DACH1: variants seen among roughly 807,000 people sequenced by gnomAD.
DACH1 encodes the protein dachshund family transcription factor 1.
DACH1 carries 12 observed loss-of-function variants against 54.2 expected under a neutral mutation model. The observed-to-expected ratio is 0.22, with a 90% CI of 0.14 to 0.36. The LOEUF is 0.36. DACH1 is among the 10% of genes least tolerant of loss of function. The pLI, the probability that DACH1 is intolerant of heterozygous loss-of-function variation, is 1.00. For missense variants in DACH1, 805 were observed against 929.8 expected, an observed-to-expected ratio of 0.87 and a Z score of 1.75; for synonymous variants, 386 against 366.2, an observed-to-expected ratio of 1.05 and a Z score of -0.62.
intron 3 of DACH1, among the ~76,000 whole-genome samples, chr13:71,594,288 T>C (rs1290578327): frequency 6.6e-6 from 1 of 152,030 alleles, no homozygotes; most frequent in Non-Finnish European, 1.5e-5. Context: ...ATATCATTAA[T>C]TCTTAATGTT....
rs568834889 is a variant in DACH1, at chr13:71,801,308, C to T, written c.848+64614G>A. 4.6e-5 allele frequency among the ~76,000 whole-genome samples: 7 copies of T among 152,152 alleles called. No individual in the cohort carries two copies. In the East Asian group the frequency reaches 1.4e-3, roughly 29 times the overall value. ...CCACCAGAAATGTCAGAGTTTAGTA[C>T]CTACTAAGCCATAGATTTATGAGGA... On this transcript the variant is annotated intron_variant, in intron 1 of 10. Transcript: ENST00000613252.
intron 2 of DACH1, among the ~76,000 whole-genome samples, chr13:71,654,615 T>C (rs1878962641): frequency 6.6e-6 from 1 of 152,016 alleles, no homozygotes; most frequent in Non-Finnish European, 1.5e-5. Flanking sequence ...CTCAATAAAC[T>C]GAAAAACTGA....
chr13:71,646,769 T>C (rs1229159628), intron 2 of DACH1, among the ~76,000 whole-genome samples: 2 of 152,238 alleles, frequency 1.3e-5, no homozygotes, highest in South Asian at 2.1e-4. Context: ...AAGAATGCCA[T>C]ATTTGAGCAT....
rs147208479 is a variant in DACH1, at chr13:71,497,715, A to G, written c.1571-8567T>C. On this transcript the variant is annotated intron_variant, in intron 6 of 10. Coordinates refer to ENST00000613252, the MANE Select transcript of DACH1 (RefSeq NM_080759.6). ...ATGTTGATGAAAGAATTATTACTGT[A>G]TACATCAGTTTCCTTATATGGACTA... Among the ~76,000 whole-genome samples, 696 of 151,426 alleles carry G rather than the reference A, an allele frequency of 4.6e-3. 7 individuals are homozygous for G. Among genetic ancestry groups the G allele is most frequent in the African/African-American group, 0.015 (638 of 41,294 alleles).
intron 1 of DACH1, among the ~76,000 whole-genome samples, chr13:71,713,523 A>G (rs145372204): frequency 1.3e-5 from 2 of 152,312 alleles, no homozygotes; most frequent in African/African-American, 4.8e-5. Flanking sequence ...TTAAATCATT[A>G]TAGATTTAGA....
At chr13:71,650,042 C>T (rs1178439108) in intron 2 of DACH1, among the ~76,000 whole-genome samples, 1 of 152,164 alleles carries the variant, frequency 6.6e-6, no homozygotes, top group Non-Finnish European at 1.5e-5. Flanking sequence ...CCCCATGATA[C>T]ACACAAAGTC....
At chr13:71,830,783 A>G (rs979620850) in intron 1 of DACH1, among the ~76,000 whole-genome samples, 1 of 151,878 alleles carries the variant, frequency 6.6e-6, no homozygotes, top group Admixed American at 6.6e-5. Context: ...AAGAGCTGCC[A>G]ATCCCATCTT....
rs1029743722 is a variant in DACH1 at position 71,622,397 on chromosome 13, G to C, written c.1126+8159C>G. Among the ~76,000 whole-genome samples the C allele has an allele frequency of 2.6e-5, 4 of 151,816 alleles. No homozygotes were observed. In the South Asian group the frequency reaches 8.3e-4, roughly 32 times the overall value. On this transcript the variant is annotated intron_variant, in intron 3 of 10. Transcript: ENST00000613252. ...ATGAGATATTTAAAAATATGTATTA[G>C]CAAACATTATATTTTATAAAACAAA...
chr13:71,567,356 C>T (rs1223731476), intron 4 of DACH1, among the ~76,000 whole-genome samples: 1 of 151,914 alleles, frequency 6.6e-6, no homozygotes, highest in Non-Finnish European at 1.5e-5. Flanking sequence ...TAAAAATCTG[C>T]TTTGCATACT....
intron 1 of DACH1, among the ~76,000 whole-genome samples, chr13:71,688,429 C>T (rs1480449033): frequency 6.6e-6 from 1 of 152,132 alleles, no homozygotes; most frequent in Non-Finnish European, 1.5e-5. Flanking sequence ...ATTATTTTCC[C>T]TTCTAATGCA....
chr13:71,555,428 C>T (rs1208221923), intron 6 of DACH1, among the ~76,000 whole-genome samples: 2 of 151,926 alleles, frequency 1.3e-5, no homozygotes, highest in Non-Finnish European at 1.5e-5. Context: ...ACTGCAACCT[C>T]TGCCTCCAGG....
Position 71,470,410 on chromosome 13 carries a change from G to A in DACH1, c.2083+4731C>T, listed in dbSNP as rs529056724. Among the ~76,000 whole-genome samples the A allele has an allele frequency of 2.0e-5, 3 of 151,768 alleles. No homozygotes were observed. In the South Asian group the frequency reaches 6.2e-4, roughly 32 times the overall value. ...TGCAACCTCTGCCTCAAAGGTTCAA[G>A]TGATTCTCCTGCCTCAGCCTGATTC... On this transcript the variant is annotated intron_variant, in intron 10 of 10. Transcript: ENST00000613252.
chr13:71,553,178 T>C (rs1884001025), intron 6 of DACH1, among the ~76,000 whole-genome samples: 1 of 37,154 alleles, frequency 2.7e-5, no homozygotes, highest in Non-Finnish European at 4.8e-5. Flanking sequence ...TCCATATATG[T>C]ATATTAGACA....
At chr13:71,788,264 C>G (rs1886687604) in intron 1 of DACH1, among the ~76,000 whole-genome samples, 1 of 152,072 alleles carries the variant, frequency 6.6e-6, no homozygotes, top group African/African-American at 2.4e-5. Flanking sequence ...GGGGATCAAT[C>G]TATGAAACAA....
At chr13:71,512,851 G>C (rs1303799439) in intron 6 of DACH1, among the ~76,000 whole-genome samples, 1 of 151,232 alleles carries the variant, frequency 6.6e-6, no homozygotes. Context: ...AAAGAATCAA[G>C]GTATATACCT....
chr13:71,526,333 CAT>C (rs1446509006), intron 6 of DACH1, among the ~76,000 whole-genome samples: 1 of 152,144 alleles, frequency 6.6e-6, no homozygotes, highest in East Asian at 1.9e-4. Context: ...TTTGAATAAA[CAT>C]GTAAGGTCTT....
intron 1 of DACH1, among the ~76,000 whole-genome samples, chr13:71,804,832 A>G (rs1416982353): frequency 6.6e-6 from 1 of 152,146 alleles, no homozygotes; most frequent in Non-Finnish European, 1.5e-5. Flanking sequence ...ATCTTTTTCA[A>G]CATCCTGACT....
At chr13:71,699,502 CTT>C (rs1241549953) in intron 1 of DACH1, among the ~76,000 whole-genome samples, 3 of 152,294 alleles carry the variant, frequency 2.0e-5, no homozygotes, top group African/African-American at 7.2e-5. Flanking sequence ...GGCATGGCCT[CTT>C]TGGAGTAAAA....
chr13:71,577,777 T>C (rs1221587580), intron 3 of DACH1, among the ~76,000 whole-genome samples: 1 of 152,160 alleles, frequency 6.6e-6, no homozygotes, highest in Non-Finnish European at 1.5e-5. Context: ...GGAAGCACAA[T>C]TTTTAGGTAG....
Sources: allele counts gnomAD v4.1 joint callset (sites outside exome capture counted in the v4.1 genomes callset), GRCh38; gene constraint gnomAD v4.1.1; transcripts MANE v1.5; gene names NCBI Gene and HGNC (gene_info 2026-07-23, HGNC 2026-07-21).